SLC45A4: variants seen among roughly 807,000 people sequenced by gnomAD.
SLC45A4 encodes the protein polyamine-transporter SLC45A4.
SLC45A4 carries 32 observed loss-of-function variants against 63.7 expected under a neutral mutation model. The ratio of observed to expected loss-of-function variants is 0.50; its 90% CI spans 0.38 to 0.67. SLC45A4 has a LOEUF of 0.67. Among genes scored for constraint, SLC45A4 ranks in the 30% least tolerant of loss-of-function variants. The pLI is 0.00. For synonymous variants in SLC45A4, 535 were observed against 510.0 expected (o/e 1.05, Z -0.66); for missense variants, 1,027 against 1,157.7 (o/e 0.89, Z 1.64).
chr8:141,283,827 C>T (rs1424588913), intron 1 of SLC45A4, among the ~76,000 whole-genome samples: 3 of 152,190 alleles, frequency 2.0e-5, no homozygotes, highest in Admixed American at 6.5e-5. Context: ...GATGGCTGGA[C>T]ATTTGAAAAC....
intron 4 of SLC45A4, 111 bp from the exon 5 acceptor site, chr8:141,219,140 G>C: frequency 3.2e-6 from 4 of 1,245,376 alleles, no homozygotes; most frequent in Middle Eastern, 2.6e-4. Context: ...CTCATGATGG[G>C]AGTCAGGGGC....
At chr8:141,222,221 G>A (rs753378379) in intron 2 of SLC45A4, among the ~76,000 whole-genome samples, 2 of 152,228 alleles carry the variant, frequency 1.3e-5, no homozygotes, top group African/African-American at 2.4e-5. Context: ...AGAGCAGGAC[G>A]GTGACTGCAG....
At position 141,207,411 on chromosome 8, in the gene SLC45A4, G is replaced by C. The variant is rs1368048672; in HGVS notation, c.*4161C>G. 6.6e-6 allele frequency: 1 copy of C among 152,168 alleles called. No homozygotes were observed. Among genetic ancestry groups the C allele is most frequent in the Non-Finnish European group, 1.5e-5 (1 of 68,044 alleles). The allele number at this position is 152,168 out of a possible 1,614,324, so 9.4% of individuals were successfully genotyped here. A position where few individuals can be genotyped will look rare whatever the true frequency, so the allele number is the denominator to read the frequency against. On this transcript the variant is annotated 3_prime_UTR_variant, in exon 9 of 9. Coordinates refer to ENST00000517878, the MANE Select transcript of SLC45A4 (RefSeq NM_001286646.2). ...CCACTGTTACCCAACTAATAGAAGA[G>C]AGTCATGAGCGACACGACACTTCCT...
At chr8:141,275,175 G>C (rs1829685512) in intron 1 of SLC45A4, among the ~76,000 whole-genome samples, 1 of 152,218 alleles carries the variant, frequency 6.6e-6, no homozygotes, top group Non-Finnish European at 1.5e-5. Flanking sequence ...CTGTGACGAG[G>C]AAAGTCAGTC....
chr8:141,226,041 C>T (rs910590446), intron 2 of SLC45A4: 2 of 152,796 alleles, frequency 1.3e-5, no homozygotes, highest in African/African-American at 4.8e-5. Context: ...GCCTTGGGAC[C>T]CAGGTCAGCC....
intron 1 of SLC45A4, among the ~76,000 whole-genome samples, chr8:141,299,891 A>G (rs1012866493): frequency 1.3e-5 from 2 of 152,202 alleles, no homozygotes; most frequent in Non-Finnish European, 2.9e-5. Context: ...GAAGGGACCA[A>G]TGGAGGATCC....
chr8:141,241,021 G>A (rs577589885), intron 2 of SLC45A4, among the ~76,000 whole-genome samples: 42 of 152,364 alleles, frequency 2.8e-4, no homozygotes, highest in Admixed American at 2.2e-3. Flanking sequence ...CGCTCTCCCC[G>A]CTTTGGGGCG....
At chr8:141,222,634 C>G (rs1000438482) in intron 2 of SLC45A4, among the ~76,000 whole-genome samples, 2 of 152,238 alleles carry the variant, frequency 1.3e-5, no homozygotes, top group African/African-American at 4.8e-5. Context: ...GGCGGGCAAA[C>G]AGTGTCGGCA....
chr8:141,228,815 A>T (rs990430497), intron 2 of SLC45A4, among the ~76,000 whole-genome samples: 1 of 152,168 alleles, frequency 6.6e-6, no homozygotes, highest in African/African-American at 2.4e-5. Context: ...GAGAGAAAGG[A>T]AAGTTCTAAT....
chr8:141,238,726 G>A (rs1054665244), intron 2 of SLC45A4, among the ~76,000 whole-genome samples: 2 of 152,198 alleles, frequency 1.3e-5, no homozygotes, highest in Non-Finnish European at 2.9e-5. Context: ...ACTCTGAGGA[G>A]CCCTTGAGTA....
At chr8:141,228,621 C>G in intron 2 of SLC45A4, 2 of 1,088,518 alleles carry the variant, frequency 1.8e-6, no homozygotes, top group Non-Finnish European at 2.2e-6. Context: ...TTGCAACAAG[C>G]AAACATCTTT....
At position 141,215,583 on chromosome 8, in the gene SLC45A4, G is replaced by A. The variant is rs147249193; in HGVS notation, c.1941+176C>T. 9.9e-5 allele frequency among the ~76,000 whole-genome samples: 15 copies of A among 152,262 alleles called. No individual in the cohort carries two copies. Among genetic ancestry groups the A allele is most frequent in the Non-Finnish European group, 1.9e-4 (13 of 68,018 alleles). On this transcript the variant is annotated intron_variant, in intron 7 of 8. Coordinates refer to ENST00000517878, the MANE Select transcript of SLC45A4 (RefSeq NM_001286646.2). This position sits in a 1 kb window ranked among gnomAD's most constrained non-coding sequence, Gnocchi z 4.3. ...AGAAGACCCTTTGTGGCCAGGGACC[G>A]ATCAGGGGCAGGTGGTGGCTCTGTG...
rs548146135 is a variant in SLC45A4 at position 141,247,747 on chromosome 8, T to C, written c.241+6242A>G. Among the ~76,000 whole-genome samples, 17 of 152,320 alleles carry C rather than the reference T, an allele frequency of 1.1e-4. No individual in the cohort carries two copies. The South Asian group carries it at 2.9e-3, about 26-fold the overall frequency. Reference sequence around the variant, plus strand: ...TCCAAAAGGTAGGCATATTTCCTAATTTCGAGATGCCCCATAAAACTACAG... The same window carrying C: ...TCCAAAAGGTAGGCATATTTCCTAACTTCGAGATGCCCCATAAAACTACAG... On this transcript the variant is annotated intron_variant, in intron 2 of 8. Coordinates refer to ENST00000517878, the MANE Select transcript of SLC45A4 (RefSeq NM_001286646.2).
At position 141,211,493 on chromosome 8, in the gene SLC45A4, T is replaced by G; in HGVS notation, c.*79A>C. On this transcript the variant is annotated 3_prime_UTR_variant, in exon 9 of 9. Transcript: ENST00000517878. ...GACCAGCCTCCTCCCAGCTTTGGTGTGCGGTCGCTGCCCAAGGACAGGGCT... is the reference window on the plus strand; with the variant it reads ...GACCAGCCTCCTCCCAGCTTTGGTGGGCGGTCGCTGCCCAAGGACAGGGCT... 6.2e-7 allele frequency: 1 copy of G among 1,608,182 alleles called. No individual in the cohort carries two copies. Among genetic ancestry groups the G allele is most frequent in the Middle Eastern group, 1.9e-4 (1 of 5,320 alleles).
chr8:141,245,136 A>G (rs1421767065), intron 2 of SLC45A4, among the ~76,000 whole-genome samples: 4 of 152,190 alleles, frequency 2.6e-5, no homozygotes, highest in African/African-American at 9.7e-5. Context: ...CAGTAATAAC[A>G]GCTAACAATT....
At chr8:141,269,393 C>T (rs536742658) in intron 1 of SLC45A4, among the ~76,000 whole-genome samples, 39 of 152,276 alleles carry the variant, frequency 2.6e-4, no homozygotes, top group Middle Eastern at 3.4e-3. Context: ...TTAGAGCTTG[C>T]TGTGAATCTG....
chr8:141,261,463 T>C (rs572337761), intron 1 of SLC45A4, among the ~76,000 whole-genome samples: 1 of 152,142 alleles, frequency 6.6e-6, no homozygotes, highest in African/African-American at 2.4e-5. Flanking sequence ...TGATTGTATA[T>C]CTAGAAAACC....
chr8:141,256,542 A>C lies in SLC45A4; in HGVS notation c.-400-1913T>G, dbSNP rs1466237107. 1 of 456,290 alleles carries C rather than the reference A, an allele frequency of 2.2e-6. No individual in the cohort carries two copies. Among genetic ancestry groups the C allele is most frequent in the Non-Finnish European group, 4.4e-6 (1 of 226,970 alleles). The allele number at this position is 456,290 out of a possible 1,614,324, so 28.3% of individuals were successfully genotyped here. ...TGGCACGTGGGCCCCAGGAGGGAGAAGACTCCGCTGTACAGGAGGTTCTGG... is the reference window on the plus strand; with the variant it reads ...TGGCACGTGGGCCCCAGGAGGGAGACGACTCCGCTGTACAGGAGGTTCTGG... On this transcript the variant is annotated intron_variant, in intron 1 of 8. Transcript: ENST00000517878. This position sits in a 1 kb window ranked among gnomAD's most constrained non-coding sequence, Gnocchi z 4.3.
At chr8:141,250,035 C>T (rs1347995620) in intron 2 of SLC45A4, among the ~76,000 whole-genome samples, 1 of 152,216 alleles carries the variant, frequency 6.6e-6, no homozygotes, top group Non-Finnish European at 1.5e-5. Flanking sequence ...CAGTTTGCCA[C>T]AGCCTAACCA....
Sources: allele counts gnomAD v4.1 joint callset (sites outside exome capture counted in the v4.1 genomes callset), GRCh38; gene constraint gnomAD v4.1.1; non-coding constraint Gnocchi (gnomAD v3.1); transcripts MANE v1.5; gene names NCBI Gene and HGNC (gene_info 2026-07-23, HGNC 2026-07-21).